CLN8: variants seen among roughly 807,000 people sequenced by gnomAD.
CLN8 encodes the protein CLN8 transmembrane ER and ERGIC protein.
In CLN8, 14 loss-of-function variants were observed where a neutral mutation model predicts 15.7. The ratio of observed to expected loss-of-function variants is 0.89; its 90% CI spans 0.59 to 1.39. The LOEUF (loss-of-function observed/expected upper bound fraction) is 1.39. Among genes scored for constraint, CLN8 ranks in the 40% most tolerant of loss-of-function variants. The pLI, the probability that CLN8 is intolerant of heterozygous loss-of-function variation, is 0.00. For missense variants in CLN8, 415 were observed against 364.0 expected, an observed-to-expected ratio of 1.14 and a Z score of -1.14; for synonymous variants, 188 against 151.0, an observed-to-expected ratio of 1.25 and a Z score of -1.80.
At chr8:1,777,490 A>G (rs2129014274) in intron 2 of CLN8, among the ~76,000 whole-genome samples, 1 of 152,350 alleles carries the variant, frequency 6.6e-6, no homozygotes, top group East Asian at 1.9e-4. Context: ...TTTTTACTTT[A>G]TAAATTTTTA....
In CLN8 at chr8:1,780,531, AG is replaced by A. The variant is rs1365308812; in HGVS notation, c.827del (p.Gly276AlafsTer43). On this transcript the variant is annotated frameshift_variant, in exon 3 of 3. Coordinates refer to ENST00000331222, the MANE Select transcript of CLN8 (RefSeq NM_018941.4). LOFTEE classifies it high-confidence loss of function. ...AGCCAGAAGCCAAGAGCAGGCCAGAAGGCAACGGGCAGCTGCTGCGGAAGAA... is the reference window on the plus strand; with the variant it reads ...AGCCAGAAGCCAAGAGCAGGCCAGAAGCAACGGGCAGCTGCTGCGGAAGAA... ...AQPEAKSRPE[G>X]NGQLLRKKRP 4.3e-6 allele frequency: 7 copies of A among 1,614,096 alleles called. No homozygotes were observed. The Admixed American group carries it at 1.0e-4, about 23-fold the overall frequency.
rs537103947 is a variant in CLN8, at chr8:1,765,239, A to C, written c.-124+1354A>C. On this transcript the variant is annotated intron_variant, in intron 1 of 2. Transcript: ENST00000331222. ...AGGACACCGGGTAGGTAAATGGTGG[A>C]GTCCCTGCAACCGTGTTGCAGAGGA... The C allele has an allele frequency of 3.9e-5, 6 of 152,388 alleles. No individual in the cohort carries two copies. The South Asian group carries it at 1.2e-3, about 32-fold the overall frequency. 9.4% of individuals were successfully genotyped at this position (152,388 alleles called of 1,614,324 possible).
At position 1,785,376 on chromosome 8, in the gene CLN8, C is replaced by T. The variant is rs1245405495; in HGVS notation, c.*4809C>T. The T allele has an allele frequency of 7.0e-4, 87 of 124,042 alleles. No individual in the cohort carries two copies. The highest frequency in any genetic ancestry group is 2.8e-3 in the Admixed American group (34 of 12,186). The allele number at this position is 124,042 out of a possible 1,614,324, so 7.7% of individuals were successfully genotyped here. On this transcript the variant is annotated 3_prime_UTR_variant, in exon 3 of 3. Coordinates refer to ENST00000331222, the MANE Select transcript of CLN8 (RefSeq NM_018941.4). ...AGGCGGCGTGGGGTTAGACAGGTAC[C>T]GGTCAGATTACGGTGGCACAGGCGG...
chr8:1,758,170 A>C (rs924893090), intron 1 of CLN8: 1 of 152,198 alleles, frequency 6.6e-6, no homozygotes, highest in South Asian at 2.1e-4. Context: ...TTTTTGGAAA[A>C]AGAAATGGAC....
Position 1,756,567 on chromosome 8 carries a change from T to C in CLN8, c.-124+485T>C, listed in dbSNP as rs188657052. On this transcript the variant is annotated intron_variant, in intron 1 of 1. Coordinates refer to the CLN8 transcript ENST00000524258. ...ATTTATACCATATTATGCTGTATGTTTGGGGGAGAGGGGAGGCTAGGTTTG... is the reference window on the plus strand; with the variant it reads ...ATTTATACCATATTATGCTGTATGTCTGGGGGAGAGGGGAGGCTAGGTTTG... 3.3e-3 allele frequency among the ~76,000 whole-genome samples: 507 copies of C among 152,108 alleles called. 2 individuals carry two copies. The highest frequency in any genetic ancestry group is 5.4e-3 in the Non-Finnish European group (370 of 68,002).
At chr8:1,759,407 G>A (rs192862111), upstream of CLN8, 4 of 152,352 alleles carry the variant, frequency 2.6e-5, no homozygotes, top group African/African-American at 7.2e-5. Flanking sequence ...GAGAACGGAC[G>A]GAAAACTATG....
intron 1 of CLN8, chr8:1,758,475 G>C (rs1448487243): frequency 6.6e-6 from 1 of 152,216 alleles, no homozygotes; most frequent in African/African-American, 2.4e-5. Flanking sequence ...TAGGGGGACA[G>C]AAGTTACAGG....
At position 1,784,284 on chromosome 8, in the gene CLN8, C is replaced by CAA. The variant is rs772524622; in HGVS notation, c.*3729_*3730dup. On this transcript the variant is annotated 3_prime_UTR_variant, in exon 3 of 3. Transcript: ENST00000331222. ...TGGGTGACACAGTGAGACTCCATCT[C>CAA]AAAAAAAAAAAAAGAACGGACATCA... 3.8e-5 allele frequency: 5 copies of CAA among 131,886 alleles called. No individual in the cohort carries two copies. The highest frequency in any genetic ancestry group is 8.2e-5 in the Non-Finnish European group (5 of 61,156). The allele number at this position is 131,886 out of a possible 1,614,324, so 8.2% of individuals were successfully genotyped here.
chr8:1,770,940 T>G lies in CLN8; in HGVS notation c.-115T>G, dbSNP rs1801272189. 4 of 901,258 alleles carry G rather than the reference T, an allele frequency of 4.4e-6. No homozygotes were observed. Among genetic ancestry groups the G allele is most frequent in the Non-Finnish European group, 7.2e-6 (4 of 556,240 alleles). 55.8% of individuals were successfully genotyped at this position (901,258 alleles called of 1,614,324 possible). On this transcript the variant is annotated 5_prime_UTR_variant, in exon 2 of 3. The change abolishes an upstream ATG in the 5' untranslated region. Coordinates refer to ENST00000331222, the MANE Select transcript of CLN8 (RefSeq NM_018941.4). ...AATGATCTTTCTTTTAGATTGAAGATGGATACGTGACAATCCCAGGGACCG... is the reference window on the plus strand; with the variant it reads ...AATGATCTTTCTTTTAGATTGAAGAGGGATACGTGACAATCCCAGGGACCG...
At position 1,770,978 on chromosome 8, in the gene CLN8, C is replaced by T; in HGVS notation, c.-77C>T. 2.2e-6 allele frequency: 3 copies of T among 1,394,306 alleles called. No individual in the cohort carries two copies. Among genetic ancestry groups the T allele is most frequent in the Non-Finnish European group, 3.0e-6 (3 of 985,498 alleles). The allele number at this position is 1,394,306 out of a possible 1,614,324, so 86.4% of individuals were successfully genotyped here. ...ATCCCAGGGACCGCTGCACTGACTT[C>T]ATTTCCTTAGACAAGACACAGTGTA... On this transcript the variant is annotated 5_prime_UTR_variant, in exon 2 of 3. Coordinates refer to ENST00000331222, the MANE Select transcript of CLN8 (RefSeq NM_018941.4).
At chr8:1,780,013 G>A (rs1349410746) in intron 2 of CLN8, 1 of 985,462 alleles carries the variant, frequency 1.0e-6, no homozygotes, top group Middle Eastern at 5.2e-4. Flanking sequence ...AAGAGGAGCA[G>A]GAAAACAGCA....
intron 1 of CLN8, 74 bp from the exon 2 acceptor site, chr8:1,770,858 T>C: frequency 1.6e-6 from 1 of 613,640 alleles, no homozygotes; most frequent in Non-Finnish European, 2.9e-6. Flanking sequence ...TGTAGTTTAA[T>C]GTTTGCGTTA....
intron 1 of CLN8, among the ~76,000 whole-genome samples, chr8:1,767,344 G>A (rs1801105284): frequency 6.6e-6 from 1 of 152,140 alleles, no homozygotes. Flanking sequence ...TTCTCTGACT[G>A]CCAGGAGGGT....
Position 1,780,685 on chromosome 8 carries a change from GA to G in CLN8, c.*121del. On this transcript the variant is annotated 3_prime_UTR_variant, in exon 3 of 3. Coordinates refer to ENST00000331222, the MANE Select transcript of CLN8 (RefSeq NM_018941.4). ...GAATGTTTTGTGTTTACTTCTAAGG[GA>G]AATACTAACTTTCTTTCGCATTAGT... 2 of 891,788 alleles carry G rather than the reference GA, an allele frequency of 2.2e-6. No homozygotes were observed. Among genetic ancestry groups the G allele is most frequent in the Non-Finnish European group, 3.4e-6 (2 of 580,070 alleles). The allele number at this position is 891,788 out of a possible 1,614,324, so 55.2% of individuals were successfully genotyped here. A position where few individuals can be genotyped will look rare whatever the true frequency, so the allele number is the denominator to read the frequency against.
At chr8:1,757,448 T>G (rs1339953796) in intron 1 of CLN8, among the ~76,000 whole-genome samples, 5 of 152,130 alleles carry the variant, frequency 3.3e-5, no homozygotes, top group African/African-American at 1.2e-4. Flanking sequence ...TTTGGTTTTG[T>G]TTCGTTTTTT....
rs386834124 is a variant in CLN8, at chr8:1,771,263, G to A, written c.209G>A (p.Arg70His). ...GTCTTCTGGGACCTGGCGGCCACGC[G>A]TGCAGTCTTTGGTGTTCAGAGCACA... ...EKVFWDLAAT[R>H]AVFGVQSTAA... The change falls in exon 2 of 3, where the codon CGT becomes CAT. Residue 70 changes from arginine to histidine, a missense_variant. Transcript: ENST00000331222. 19 of 1,613,746 alleles carry A rather than the reference G, an allele frequency of 1.2e-5. No homozygotes were observed. The highest frequency in any genetic ancestry group is 3.3e-5 in the South Asian group (3 of 91,084).
At position 1,771,608 on chromosome 8, in the gene CLN8, G is replaced by A. The variant is rs538101354; in HGVS notation, c.543+11G>A. 2.5e-6 allele frequency: 4 copies of A among 1,611,128 alleles called. No homozygotes were observed. Among genetic ancestry groups the A allele is most frequent in the African/African-American group, 1.3e-5 (1 of 74,856 alleles). Reference sequence around the variant, plus strand: ...TGGATGCTCTTAAAGGTAAGTGCATGCATCAGCAGAAGATGACATGTGCCT... The same window carrying A: ...TGGATGCTCTTAAAGGTAAGTGCATACATCAGCAGAAGATGACATGTGCCT... On this transcript the variant is annotated intron_variant, in intron 2 of 2. Transcript: ENST00000331222.
At chr8:1,759,691 CG>C (rs1800747589), upstream of CLN8, 1 of 152,158 alleles carries the variant, frequency 6.6e-6, no homozygotes, top group African/African-American at 2.4e-5. Flanking sequence ...AGCTGATCTG[CG>C]GGAGTCCAGA....
In CLN8 at chr8:1,780,630, GA is replaced by G. The variant is rs1373000431; in HGVS notation, c.*65del. ...GCACACCGATTCTGGGAAGCCCCGCGAATGATGGCTTTTGAATTAATGAGGC... is the reference window on the plus strand; with the variant it reads ...GCACACCGATTCTGGGAAGCCCCGCGATGATGGCTTTTGAATTAATGAGGC... On this transcript the variant is annotated 3_prime_UTR_variant, in exon 3 of 3. Transcript: ENST00000331222. 1.3e-5 allele frequency: 20 copies of G among 1,483,884 alleles called. No individual in the cohort carries two copies. Among genetic ancestry groups the G allele is most frequent in the Admixed American group, 1.8e-5 (1 of 57,044 alleles). 91.9% of individuals were successfully genotyped at this position (1,483,884 alleles called of 1,614,324 possible). A position where few individuals can be genotyped will look rare whatever the true frequency, so the allele number is the denominator to read the frequency against.
Sources: gnomAD v4.1 joint callset for allele counts (sites outside exome capture counted in the v4.1 genomes callset) on GRCh38, gnomAD v4.1.1 for gene constraint, MANE v1.5 for transcripts, NCBI Gene and HGNC (gene_info 2026-07-23, HGNC 2026-07-21) for gene names.